Variants in TMEM132C observed in about 807,000 individuals in gnomAD.
The protein encoded by TMEM132C is transmembrane protein 132C.
TMEM132C carries 29 observed loss-of-function variants against 61.4 expected under a neutral mutation model. The observed-to-expected ratio is 0.47, with a 90% CI of 0.35 to 0.64. TMEM132C has a LOEUF of 0.64. TMEM132C is among the 30% of genes least tolerant of loss of function. The pLI, the probability that TMEM132C is intolerant of heterozygous loss-of-function variation, is 0.00. For missense variants in TMEM132C, 1,408 were observed against 1,476.9 expected (o/e 0.95, Z 0.76); for synonymous variants, 656 against 633.1 (o/e 1.04, Z -0.54).
Position 128,616,171 on chromosome 12 carries a change from G to A in TMEM132C, c.1141G>A (p.Glu381Lys). 6.4e-7 allele frequency: 1 copy of A among 1,551,656 alleles called. No homozygotes were observed. ...PRNRSSSLFN[E>K]VVQMNFEIAS... Reference sequence around the variant, plus strand: ...TTCCAGGAGCAGCAGTTTATTCAATGAGGTTGTGCAGATGAACTTTGAAAT... The same window carrying A: ...TTCCAGGAGCAGCAGTTTATTCAATAAGGTTGTGCAGATGAACTTTGAAAT... The change falls in exon 4 of 9, where the codon GAG becomes AAG. Residue 381 changes from glutamate to lysine, a missense_variant. Transcript: ENST00000435159.
At chr12:128,290,851 A>AC (rs1301819655) in intron 1 of TMEM132C, among the ~76,000 whole-genome samples, 1 of 150,676 alleles carries the variant, frequency 6.6e-6, no homozygotes, top group East Asian at 1.9e-4. Context: ...CATTTAACAA[A>AC]AAAAAAAAAA....
chr12:128,349,618 C>T (rs933817541), intron 1 of TMEM132C, among the ~76,000 whole-genome samples: 4 of 152,186 alleles, frequency 2.6e-5, no homozygotes, highest in East Asian at 1.9e-4. Flanking sequence ...ATTTATTCTT[C>T]TACCAATACC....
chr12:128,422,213 C>T, intron 2 of TMEM132C, among the ~76,000 whole-genome samples: 1 of 152,202 alleles, frequency 6.6e-6, no homozygotes, highest in East Asian at 1.9e-4. Flanking sequence ...GATGGGATGA[C>T]TTCCACTGAC....
intron 5 of TMEM132C, among the ~76,000 whole-genome samples, chr12:128,689,277 C>G (rs1039335800): frequency 6.6e-6 from 1 of 152,016 alleles, no homozygotes; most frequent in African/African-American, 2.4e-5. Flanking sequence ...ATCTCAAATA[C>G]TTAACTTTTT....
intron 3 of TMEM132C, among the ~76,000 whole-genome samples, chr12:128,549,726 A>G (rs1004013131): frequency 1.2e-4 from 18 of 152,170 alleles, no homozygotes; most frequent in Admixed American, 1.0e-3. Flanking sequence ...AAGAAGAATC[A>G]TAAGTGAGAC....
In TMEM132C at chr12:128,415,155, T is replaced by A; in HGVS notation, c.509T>A (p.Leu170Gln). 5 of 1,610,742 alleles carry A rather than the reference T, an allele frequency of 3.1e-6. No homozygotes were observed. Among genetic ancestry groups the A allele is most frequent in the Non-Finnish European group, 4.2e-6 (5 of 1,178,484 alleles). ...GGCGCCGGGGAGAAGCTGCCATGCCTGAGGGTCTTTGCTTTCCGAGAAACC... is the reference window on the plus strand; with the variant it reads ...GGCGCCGGGGAGAAGCTGCCATGCCAGAGGGTCTTTGCTTTCCGAGAAACC... ...DHGAGEKLPC[L>Q]RVFAFRETRE... The change falls in exon 2 of 9, where the codon CTG (leucine) becomes CAG (glutamine). Residue 170 changes from leucine (L) to glutamine (Q), a missense_variant. Leu to Gln is a moderately radical substitution (Grantham distance 113). Coordinates refer to ENST00000435159, the MANE Select transcript of TMEM132C (RefSeq NM_001136103.3). This position sits in a 1 kb window ranked among gnomAD's most constrained non-coding sequence, Gnocchi z 5.8.
At chr12:128,550,406 G>A (rs868615526) in intron 3 of TMEM132C, among the ~76,000 whole-genome samples, 30 of 152,014 alleles carry the variant, frequency 2.0e-4, no homozygotes, top group African/African-American at 5.8e-4. Context: ...GGGCTCAAGC[G>A]ATCCTCCTCT....
chr12:128,531,331 G>C (rs953009312), intron 2 of TMEM132C, among the ~76,000 whole-genome samples: 1 of 152,160 alleles, frequency 6.6e-6, no homozygotes, highest in African/African-American at 2.4e-5. Flanking sequence ...GGCCAAAAGG[G>C]GTCAGTGTTT....
chr12:128,527,318 C>T (rs537967449), intron 2 of TMEM132C, among the ~76,000 whole-genome samples: 11 of 152,258 alleles, frequency 7.2e-5, no homozygotes, highest in East Asian at 3.9e-4. Context: ...TTATCTCATG[C>T]GTAGCTGTTT....
chr12:128,502,627 G>C (rs753808207), intron 2 of TMEM132C, among the ~76,000 whole-genome samples: 6 of 152,210 alleles, frequency 3.9e-5, no homozygotes, highest in Non-Finnish European at 5.9e-5. Flanking sequence ...GACCAGCTGC[G>C]ATGTGCCTCA....
intron 1 of TMEM132C, among the ~76,000 whole-genome samples, chr12:128,283,715 C>T (rs1870971143): frequency 6.6e-6 from 1 of 152,232 alleles, no homozygotes; most frequent in Non-Finnish European, 1.5e-5. Context: ...TCCAGCACCA[C>T]AGGAGTCATT....
chr12:128,493,630 C>T (rs558690421), intron 2 of TMEM132C, among the ~76,000 whole-genome samples: 56 of 152,246 alleles, frequency 3.7e-4, no homozygotes, highest in African/African-American at 1.3e-3. Flanking sequence ...TTGGAGTTCA[C>T]TCATGTTTTG....
At chr12:128,540,098 A>G (rs12811094) in intron 2 of TMEM132C, among the ~76,000 whole-genome samples, 49,504 of 151,772 alleles carry the variant, frequency 0.33, 9,668 homozygotes, top group Non-Finnish European at 0.43. Context: ...TCATCCATCA[A>G]CCATTCCACC....
intron 2 of TMEM132C, among the ~76,000 whole-genome samples, chr12:128,513,301 C>T (rs1216318160): frequency 6.6e-6 from 1 of 152,134 alleles, no homozygotes; most frequent in Non-Finnish European, 1.5e-5. Context: ...CTCTGCCTCC[C>T]CCTCCTCCAG....
chr12:128,497,344 A>G (rs1473008669), intron 2 of TMEM132C, among the ~76,000 whole-genome samples: 1 of 151,874 alleles, frequency 6.6e-6, no homozygotes, highest in African/African-American at 2.4e-5. Flanking sequence ...GAGAACCACT[A>G]CTCTCTTCAA....
At chr12:128,657,561 A>G (rs981734250) in intron 4 of TMEM132C, among the ~76,000 whole-genome samples, 2 of 151,976 alleles carry the variant, frequency 1.3e-5, no homozygotes, top group African/African-American at 2.4e-5. Flanking sequence ...CCAGGGCTCG[A>G]TCTGATTGGA....
chr12:128,596,976 A>G (rs1242478706), intron 3 of TMEM132C, among the ~76,000 whole-genome samples: 1 of 152,260 alleles, frequency 6.6e-6, no homozygotes, highest in Non-Finnish European at 1.5e-5. Context: ...AAGGCGTTCC[A>G]TAATGGCTTT....
At chr12:128,491,607 ATCC>A (rs1871725357) in intron 2 of TMEM132C, among the ~76,000 whole-genome samples, 1 of 152,064 alleles carries the variant, frequency 6.6e-6, no homozygotes, top group Admixed American at 6.6e-5. Context: ...CCTCAACTGG[ATCC>A]TGCTCCTACT....
intron 3 of TMEM132C, among the ~76,000 whole-genome samples, chr12:128,561,299 T>C (rs1341441038): frequency 1.3e-5 from 2 of 152,236 alleles, no homozygotes; most frequent in Non-Finnish European, 2.9e-5. Context: ...CATAAGGAAA[T>C]ATAGAGCTTC....
Sources: allele counts gnomAD v4.1 joint callset (sites outside exome capture counted in the v4.1 genomes callset), GRCh38; gene constraint gnomAD v4.1.1; non-coding constraint Gnocchi (gnomAD v3.1); transcripts MANE v1.5; gene names NCBI Gene and HGNC (gene_info 2026-07-23, HGNC 2026-07-21).